The following GLIS3 variants were observed in gnomAD, a reference collection of about 807,000 sequenced individuals.
GLIS3 encodes the protein GLIS family zinc finger 3, also known as zinc finger protein GLIS3.
GLIS3 carries 53 observed loss-of-function variants against 78.6 expected under a neutral mutation model. The observed-to-expected ratio is 0.67, with a 90% CI of 0.54 to 0.85. GLIS3 has a LOEUF of 0.85. GLIS3 is among the 40% of genes least tolerant of loss of function. The probability of loss-of-function intolerance (pLI) is 0.00; values close to 1 mark genes in which losing one functional copy is unlikely to be tolerated. For synonymous variants in GLIS3, 684 were observed against 509.9 expected (o/e 1.34, Z -4.60); for missense variants, 1,703 against 1,231.1 (o/e 1.38, Z -5.74).
chr9:4,158,916 T>C (rs992025584), intron 2 of GLIS3, among the ~76,000 whole-genome samples: 4 of 148,956 alleles, frequency 2.7e-5, no homozygotes, highest in Non-Finnish European at 4.4e-5. Context: ...GGGATGCAAA[T>C]AGTGAGAAGA....
At chr9:3,953,764 TCTC>T (rs1816858750) in intron 4 of GLIS3, among the ~76,000 whole-genome samples, 40 of 49,760 alleles carry the variant, frequency 8.0e-4, no homozygotes, top group African/African-American at 2.6e-3. Context: ...AGATTTGCTC[TCTC>T]TCTCTCTCTC....
chr9:4,134,497 C>G (rs967120447), intron 2 of GLIS3, among the ~76,000 whole-genome samples: 2 of 152,126 alleles, frequency 1.3e-5, no homozygotes, highest in Admixed American at 6.6e-5. Flanking sequence ...TACCTCTTAG[C>G]CTTAGTTTCT....
chr9:3,843,106 T>A (rs1423288080), intron 9 of GLIS3, among the ~76,000 whole-genome samples: 5 of 152,220 alleles, frequency 3.3e-5, no homozygotes, highest in Non-Finnish European at 7.3e-5. Context: ...GACTCAGAAG[T>A]CTTGTTCTCA....
At chr9:3,848,205 A>C (rs1819177868) in intron 9 of GLIS3, among the ~76,000 whole-genome samples, 1 of 152,196 alleles carries the variant, frequency 6.6e-6, no homozygotes, top group Non-Finnish European at 1.5e-5. Flanking sequence ...ATCAGCCTTT[A>C]AAAACAACCT....
intron 9 of GLIS3, among the ~76,000 whole-genome samples, chr9:3,852,542 A>T (rs1417687640): frequency 6.6e-6 from 1 of 152,258 alleles, no homozygotes; most frequent in Non-Finnish European, 1.5e-5. Context: ...GCAACTCATT[A>T]AGAAGGTCTC....
chr9:3,828,397 G>A lies in GLIS3; in HGVS notation c.2668C>T (p.Pro890Ser). ...CCAAAGAGGCTCGAGGAACTTGAAG[G>A]TAAATCATACACTGGAAGAGAAAGA... ...THSGITVYDL[P>S]SSSSSLFGES... is the part of the protein sequence containing the mutation. The change falls in exon 11 of 11, where the codon CCT (proline) becomes TCT (serine). Residue 890 changes from proline (P) to serine (S), a missense_variant. Transcript: ENST00000381971. The A allele has an allele frequency of 6.2e-7, 1 of 1,613,302 alleles. No homozygotes were observed. The highest frequency in any genetic ancestry group is 1.1e-5 in the South Asian group (1 of 91,042).
At chr9:4,262,857 T>C (rs1463536267) in intron 2 of GLIS3, among the ~76,000 whole-genome samples, 1 of 150,940 alleles carries the variant, frequency 6.6e-6, no homozygotes, top group Non-Finnish European at 1.5e-5. Context: ...AGTGATCTAG[T>C]GTTAAAACTA....
the GLIS3 span, among the ~76,000 whole-genome samples, chr9:4,457,597 C>G: frequency 1.3e-5 from 2 of 152,076 alleles, no homozygotes. Flanking sequence ...TCTGTAATCT[C>G]AGCACTTTGG....
intron 2 of GLIS3, among the ~76,000 whole-genome samples, chr9:4,180,366 C>T (rs1478529619): frequency 6.6e-6 from 1 of 152,182 alleles, no homozygotes; most frequent in Non-Finnish European, 1.5e-5. Context: ...ATAGGAAGAA[C>T]AAAGCCTCTC....
chr9:3,962,874 G>A (rs1817662833), intron 4 of GLIS3, among the ~76,000 whole-genome samples: 1 of 151,274 alleles, frequency 6.6e-6, no homozygotes, highest in Non-Finnish European at 1.5e-5. Context: ...GTCCTGAATT[G>A]GCAGCCAAGA....
At chr9:4,167,618 A>C (rs1365683054) in intron 2 of GLIS3, among the ~76,000 whole-genome samples, 2 of 152,208 alleles carry the variant, frequency 1.3e-5, no homozygotes, top group African/African-American at 4.8e-5. Context: ...ACATAAAGTG[A>C]GGATTAGAAA....
chr9:4,206,464 C>T (rs940854702), intron 2 of GLIS3, among the ~76,000 whole-genome samples: 1 of 152,142 alleles, frequency 6.6e-6, no homozygotes, highest in African/African-American at 2.4e-5. Context: ...AACTCAGACG[C>T]CTATTAGCAG....
intron 4 of GLIS3, among the ~76,000 whole-genome samples, chr9:4,089,062 A>G (rs1829280352): frequency 6.6e-6 from 1 of 152,258 alleles, no homozygotes; most frequent in African/African-American, 2.4e-5. Context: ...GCTTTAAAAC[A>G]AACTGTAAAT....
At chr9:3,931,116 C>G (rs1825583157) in intron 6 of GLIS3, among the ~76,000 whole-genome samples, 1 of 151,920 alleles carries the variant, frequency 6.6e-6, no homozygotes, top group Non-Finnish European at 1.5e-5. Flanking sequence ...AACTACATTT[C>G]TAGGAAAAAA....
chr9:4,220,453 T>C (rs1821226634), intron 2 of GLIS3, among the ~76,000 whole-genome samples: 1 of 152,198 alleles, frequency 6.6e-6, no homozygotes, highest in Non-Finnish European at 1.5e-5. Context: ...GGGATAGAAG[T>C]TAACACCACC....
At chr9:4,065,253 C>G (rs1826996888) in intron 4 of GLIS3, among the ~76,000 whole-genome samples, 1 of 152,250 alleles carries the variant, frequency 6.6e-6, no homozygotes, top group Non-Finnish European at 1.5e-5. Context: ...TCCACAGAGC[C>G]CTGCTGTGCT....
At chr9:3,924,022 C>T (rs1825064977) in intron 6 of GLIS3, among the ~76,000 whole-genome samples, 1 of 152,230 alleles carries the variant, frequency 6.6e-6, no homozygotes, top group South Asian at 2.1e-4. Flanking sequence ...ATCCATGGGC[C>T]TTTGCCCATG....
chr9:4,411,861 T>G, the GLIS3 span, among the ~76,000 whole-genome samples: 3 of 152,202 alleles, frequency 2.0e-5, no homozygotes, highest in Non-Finnish European at 4.4e-5. Flanking sequence ...AGAAAGCTAA[T>G]AAAATAATTT....
chr9:4,233,410 CA>C (rs543990600), intron 2 of GLIS3, among the ~76,000 whole-genome samples: 8 of 152,224 alleles, frequency 5.3e-5, no homozygotes, highest in Non-Finnish European at 1.0e-4. Flanking sequence ...CATGAAAACA[CA>C]TTAATCTCCT....
Sources: allele counts gnomAD v4.1 joint callset (sites outside exome capture counted in the v4.1 genomes callset), GRCh38; gene constraint gnomAD v4.1.1; transcripts MANE v1.5; gene names NCBI Gene and HGNC (gene_info 2026-07-23, HGNC 2026-07-21).